Variants in EIPR1 observed in about 807,000 individuals in gnomAD.
EIPR1 encodes the protein EARP complex and GARP complex interacting protein 1, also known as EARP and GARP complex-interacting protein 1.
A neutral mutation model predicts 48.1 loss-of-function variants in EIPR1; 25 were observed. The observed-to-expected ratio is 0.52, with a 90% CI of 0.38 to 0.73. The LOEUF is 0.73. Ranked by LOEUF, EIPR1 falls within the 30% of genes least tolerant of loss-of-function variation. The probability of loss-of-function intolerance (pLI) is 0.00; values close to 1 mark genes in which losing one functional copy is unlikely to be tolerated. For synonymous variants in EIPR1, 204 were observed against 201.9 expected (o/e 1.01, Z -0.09); for missense variants, 415 against 506.2 (o/e 0.82, Z 1.73).
rs535990635 is a variant in EIPR1, at chr2:3,190,723, G to C, written c.990-1215C>G. ...GCAGAGAGGACGGTAAAGGGAGCCA[G>C]GCCCACAGGCACCGAGAGACCACTG... On this transcript the variant is annotated intron_variant, in intron 8 of 8. Coordinates refer to ENST00000382125, the MANE Select transcript of EIPR1 (RefSeq NM_003310.5). Among the ~76,000 whole-genome samples the C allele has an allele frequency of 2.6e-4, 39 of 152,292 alleles. 2 individuals are homozygous for C. In the South Asian group the frequency reaches 7.7e-3, roughly 30 times the overall value.
intron 3 of EIPR1, among the ~76,000 whole-genome samples, chr2:3,298,658 A>C (rs1017921750): frequency 6.6e-6 from 1 of 151,738 alleles, no homozygotes; most frequent in African/African-American, 2.4e-5. Flanking sequence ...TTGATCTCCT[A>C]TACCAAGAGC....
intron 3 of EIPR1, among the ~76,000 whole-genome samples, chr2:3,269,534 A>AATC (rs1246560742): frequency 0.08 from 4,954 of 62,052 alleles, 656 homozygotes; most frequent in East Asian, 0.1. Context: ...CATCGCACTC[A>AATC]GTCATCGCAC....
At chr2:3,309,529 T>C (rs899635281) in intron 3 of EIPR1, among the ~76,000 whole-genome samples, 1 of 152,078 alleles carries the variant, frequency 6.6e-6, no homozygotes, top group African/African-American at 2.4e-5. Flanking sequence ...AGTATACCAA[T>C]GACAAGACAG....
intron 3 of EIPR1, among the ~76,000 whole-genome samples, chr2:3,275,557 C>T (rs17329184): frequency 0.27 from 40,674 of 151,910 alleles, 6,708 homozygotes; most frequent in Non-Finnish European, 0.38. Context: ...TTAATCCATA[C>T]GATATACCAT....
intron 5 of EIPR1, among the ~76,000 whole-genome samples, chr2:3,198,220 TGCTCCTGGTGTCTCCCA>T (rs1205712581): frequency 1.1e-4 from 17 of 152,356 alleles, no homozygotes; most frequent in Admixed American, 3.3e-4. Flanking sequence ...TGGCTGCAGA[TGCTCCTGGTGTCTCCCA>T]GCAAGAGGCC....
intron 3 of EIPR1, among the ~76,000 whole-genome samples, chr2:3,305,933 T>C (rs1668928741): frequency 6.7e-6 from 1 of 150,230 alleles, no homozygotes. Flanking sequence ...CATATTACCA[T>C]CATCACGCCA....
intron 3 of EIPR1, among the ~76,000 whole-genome samples, chr2:3,317,973 G>A (rs1669363471): frequency 6.6e-6 from 1 of 152,230 alleles, no homozygotes; most frequent in African/African-American, 2.4e-5. Flanking sequence ...AGCCGTCCAG[G>A]CTGCCCGAGA....
At chr2:3,229,296 C>T (rs987556585) in intron 4 of EIPR1, among the ~76,000 whole-genome samples, 1 of 152,240 alleles carries the variant, frequency 6.6e-6, no homozygotes. Flanking sequence ...CAGGTTTACA[C>T]TTCGTGTGCC....
At chr2:3,338,266 G>A (rs1002845172) in intron 2 of EIPR1, 117 bp from the exon 3 acceptor site, 26 of 1,209,522 alleles carry the variant, frequency 2.1e-5, no homozygotes, top group Non-Finnish European at 2.7e-5. Context: ...TACATCTTTA[G>A]TTAATTGTTA....
intron 4 of EIPR1, among the ~76,000 whole-genome samples, chr2:3,233,133 C>T (rs1666294479): frequency 6.6e-6 from 1 of 152,116 alleles, no homozygotes; most frequent in South Asian, 2.1e-4. Context: ...TCTATGCATA[C>T]AGTGGTATGT....
chr2:3,319,596 T>A (rs1043259286), intron 3 of EIPR1: 1 of 163,442 alleles, frequency 6.1e-6, no homozygotes, highest in African/African-American at 2.4e-5. Flanking sequence ...CTTATCACTC[T>A]CCATGCCCAA....
At chr2:3,238,239 C>T (rs189517283) in intron 4 of EIPR1, among the ~76,000 whole-genome samples, 3 of 152,340 alleles carry the variant, frequency 2.0e-5, no homozygotes. Flanking sequence ...ATCCTACCCA[C>T]ATCTTACCCA....
intron 5 of EIPR1, among the ~76,000 whole-genome samples, chr2:3,202,447 G>C (rs1284258800): frequency 6.6e-6 from 1 of 152,212 alleles, no homozygotes; most frequent in Non-Finnish European, 1.5e-5. Flanking sequence ...GAAAAGGCTG[G>C]ATATTGTTTC....
intron 3 of EIPR1, among the ~76,000 whole-genome samples, chr2:3,333,581 T>A (rs867030765): frequency 6.6e-6 from 1 of 151,748 alleles, no homozygotes; most frequent in African/African-American, 2.4e-5. Flanking sequence ...TACTAGAAAT[T>A]TTTTTAAAAA....
chr2:3,325,284 G>C (rs1312646125), intron 3 of EIPR1, among the ~76,000 whole-genome samples: 1 of 152,212 alleles, frequency 6.6e-6, no homozygotes, highest in Non-Finnish European at 1.5e-5. Context: ...TGCAGAGCAC[G>C]CCTGATGCTC....
Position 3,343,814 on chromosome 2 carries a change from G to T in EIPR1, c.127-5665C>A, listed in dbSNP as rs76167592. ...CCGGGCCACCGAGTACAGAGCTGCA[G>T]GGCCAGGCTGCTGAGTACAGAGCTG... On this transcript the variant is annotated intron_variant, in intron 2 of 8. Transcript: ENST00000382125. 2.3e-4 allele frequency among the ~76,000 whole-genome samples: 35 copies of T among 152,242 alleles called. No individual in the cohort carries two copies. In the East Asian group the frequency reaches 4.4e-3, roughly 19 times the overall value.
intron 3 of EIPR1, among the ~76,000 whole-genome samples, chr2:3,313,902 C>T (rs377002716): frequency 6.6e-6 from 1 of 152,262 alleles, no homozygotes; most frequent in South Asian, 2.1e-4. Flanking sequence ...TGACCCTCAC[C>T]CCCCGGTCTT....
At chr2:3,371,323 C>T (rs2103393525) in intron 1 of EIPR1, among the ~76,000 whole-genome samples, 1 of 152,268 alleles carries the variant, frequency 6.6e-6, no homozygotes, top group South Asian at 2.1e-4. Flanking sequence ...GAAGAAACTG[C>T]ATCAACTAAC....
intron 1 of EIPR1, among the ~76,000 whole-genome samples, chr2:3,367,515 T>C (rs1329966628): frequency 6.6e-6 from 1 of 152,316 alleles, no homozygotes; most frequent in Middle Eastern, 3.4e-3. Context: ...GCAGCCAGCA[T>C]AGCAGTGAAA....
Sources: gnomAD v4.1 joint callset for allele counts (sites outside exome capture counted in the v4.1 genomes callset) on GRCh38, gnomAD v4.1.1 for gene constraint, MANE v1.5 for transcripts, NCBI Gene and HGNC (gene_info 2026-07-23, HGNC 2026-07-21) for gene names.